ZNF429: variants seen among roughly 807,000 people sequenced by gnomAD.
The protein encoded by ZNF429 is zinc finger protein 429.
In ZNF429, 53 loss-of-function variants were observed where a neutral mutation model predicts 56.8. That is an observed-to-expected ratio of 0.93 (90% confidence interval 0.75 to 1.17). ZNF429 has a LOEUF of 1.17. Among genes scored for constraint, ZNF429 ranks in the 50% most tolerant of loss-of-function variants. The probability of loss-of-function intolerance (pLI) is 0.00; values close to 1 mark genes in which losing one functional copy is unlikely to be tolerated. For synonymous variants in ZNF429, 278 were observed against 264.7 expected, an observed-to-expected ratio of 1.05 and a Z score of -0.49; for missense variants, 849 against 788.4, an observed-to-expected ratio of 1.08 and a Z score of -0.92.
Position 21,537,932 on chromosome 19 carries a change from G to T in ZNF429, c.1879G>T (p.Ala627Ser). ...GAAACCTTACAAATGTGAAGAATGT[G>T]CCAAAGCTTTTACCCGGTCTTCAAG... is the stretch of plus-strand genomic sequence containing the variant. ...REKPYKCEEC[A>S]KAFTRSSRLT... is the part of the protein sequence containing the mutation. Residue 627 changes from alanine (A) to serine (S), a missense_variant, in exon 4 of 4, where the codon GCC becomes TCC. Physicochemically the swap from Ala to Ser is moderately conservative, Grantham distance 99. Coordinates refer to ENST00000358491, the MANE Select transcript of ZNF429 (RefSeq NM_001001415.4). 6.2e-7 allele frequency: 1 copy of T among 1,613,958 alleles called. No homozygotes were observed. Among genetic ancestry groups the T allele is most frequent in the South Asian group, 1.1e-5 (1 of 91,072 alleles).
At chr19:21,509,674 A>C (rs2032357803) in intron 1 of ZNF429, among the ~76,000 whole-genome samples, 1 of 152,200 alleles carries the variant, frequency 6.6e-6, no homozygotes, top group South Asian at 2.1e-4. Context: ...CTGGGAACCC[A>C]CAGGCAGATA....
chr19:21,529,090 A>G (rs557288298), intron 1 of ZNF429: 1 of 152,350 alleles, frequency 6.6e-6, no homozygotes, highest in Non-Finnish European at 1.5e-5. Context: ...ACAGGACAAA[A>G]AAACTGGGAA....
At chr19:21,513,465 G>C (rs192733957) in intron 1 of ZNF429, among the ~76,000 whole-genome samples, 1 of 152,120 alleles carries the variant, frequency 6.6e-6, no homozygotes, top group Admixed American at 6.5e-5. Context: ...CAGAAGCATA[G>C]ATGGGCCCAT....
chr19:21,535,407 TTTTC>T, intron 3 of ZNF429, among the ~76,000 whole-genome samples: 1 of 11,472 alleles, frequency 8.7e-5, no homozygotes, highest in African/African-American at 7.1e-4. Flanking sequence ...CTTTCTTTCT[TTTTC>T]TTTTCTTTCT....
At chr19:21,522,832 G>T (rs2033030854) in intron 1 of ZNF429, among the ~76,000 whole-genome samples, 1 of 151,812 alleles carries the variant, frequency 6.6e-6, no homozygotes, top group Middle Eastern at 3.2e-3. Context: ...GGAGGCAGAG[G>T]TTGCATTGAG....
chr19:21,529,665 T>C lies in ZNF429; in HGVS notation c.11T>C (p.Leu4Ser), dbSNP rs769849942. 5 of 1,579,946 alleles carry C rather than the reference T, an allele frequency of 3.2e-6. No individual in the cohort carries two copies. The East Asian group carries it at 1.1e-4, about 36-fold the overall frequency. ...GGTGTGTGTGTGTTTCAGGGACCAT[T>C]GACATTTACAGATGTGGCCATAGAA... is the stretch of plus-strand genomic sequence containing the variant. MGP[L>S]TFTDVAIEFS... is the part of the protein sequence containing the mutation. The change falls in exon 2 of 4, where the codon TTG becomes TCG. Residue 4 changes from leucine to serine, a missense_variant. Coordinates refer to ENST00000358491, the MANE Select transcript of ZNF429 (RefSeq NM_001001415.4).
At position 21,538,107 on chromosome 19, in the gene ZNF429, TACAA is replaced by T. The variant is rs2033791442; in HGVS notation, c.*31_*34del. The T allele has an allele frequency of 5.0e-6, 2 of 397,124 alleles. No individual in the cohort carries two copies. The highest frequency in any genetic ancestry group is 3.4e-6 in the Non-Finnish European group (1 of 295,714). 24.6% of individuals were successfully genotyped at this position (397,124 alleles called of 1,614,324 possible). A position where few individuals can be genotyped will look rare whatever the true frequency, so the allele number is the denominator to read the frequency against. On this transcript the variant is annotated 3_prime_UTR_variant, in exon 4 of 4. Transcript: ENST00000358491. ...GGTGAAACCCCGTCTCTACTAAAAA[TACAA>T]AAAAAAAAAAAAAAAAAATTAGCCA...
At chr19:21,522,332 CACTTGTGG>C (rs1568420016) in intron 1 of ZNF429, among the ~76,000 whole-genome samples, 1 of 152,146 alleles carries the variant, frequency 6.6e-6, no homozygotes, top group Non-Finnish European at 1.5e-5. Context: ...TAAGTTCTTC[CACTTGTGG>C]ACTAATTATA....
chr19:21,506,044 C>G (rs1348616353), intron 1 of ZNF429: 5 of 301,720 alleles, frequency 1.7e-5, no homozygotes, highest in African/African-American at 1.1e-4. Flanking sequence ...TCCGCAGTCT[C>G]TCCCAGATTG....
chr19:21,509,577 G>C (rs1291208390), intron 1 of ZNF429, among the ~76,000 whole-genome samples: 1 of 152,114 alleles, frequency 6.6e-6, no homozygotes, highest in Non-Finnish European at 1.5e-5. Context: ...TTCTTTCTGG[G>C]GAGCCTCCCC....
intron 1 of ZNF429, among the ~76,000 whole-genome samples, chr19:21,510,870 T>A (rs35366148): frequency 6.6e-6 from 1 of 152,036 alleles, no homozygotes; most frequent in Non-Finnish European, 1.5e-5. Context: ...GGACACAGCA[T>A]ATGTTTCAGA....
chr19:21,515,297 G>GT, intron 1 of ZNF429, among the ~76,000 whole-genome samples: 1 of 150,090 alleles, frequency 6.7e-6, no homozygotes, highest in African/African-American at 2.5e-5. Flanking sequence ...GTGTGAGATG[G>GT]TATCTCATTG....
chr19:21,532,387 A>T, intron 3 of ZNF429, among the ~76,000 whole-genome samples: 1 of 152,242 alleles, frequency 6.6e-6, no homozygotes, highest in African/African-American at 2.4e-5. Context: ...CACTATAGTA[A>T]TACAAACATA....
Position 21,536,516 on chromosome 19 carries a change from T to C in ZNF429, c.463T>C (p.Tyr155His). Reference sequence around the variant, plus strand: ...CTGTGATATATATGTAAAAGTCTTTTATGCATTTTCAAATGCAGATAGATA... The same window carrying C: ...CTGTGATATATATGTAAAAGTCTTTCATGCATTTTCAAATGCAGATAGATA... ...YHCDIYVKVF[Y>H]AFSNADRYKT... The change falls in exon 4 of 4, where the codon TAT (tyrosine) becomes CAT (histidine). Residue 155 changes from tyrosine (Y) to histidine (H), a missense_variant. Tyr to His is a moderately conservative substitution (Grantham distance 83). Coordinates refer to ENST00000358491, the MANE Select transcript of ZNF429 (RefSeq NM_001001415.4). 6.2e-7 allele frequency: 1 copy of C among 1,612,706 alleles called. No homozygotes were observed. The highest frequency in any genetic ancestry group is 8.5e-7 in the Non-Finnish European group (1 of 1,179,486).
intron 3 of ZNF429, among the ~76,000 whole-genome samples, chr19:21,531,186 A>T: frequency 6.6e-6 from 1 of 151,978 alleles, no homozygotes; most frequent in Admixed American, 6.6e-5. Context: ...AGTCCTGAAG[A>T]ATATTCATTC....
intron 1 of ZNF429, among the ~76,000 whole-genome samples, chr19:21,517,609 C>T (rs528254225): frequency 6.6e-6 from 1 of 151,970 alleles, no homozygotes; most frequent in African/African-American, 2.4e-5. Flanking sequence ...AATTTTAGAG[C>T]TTGTTATTGT....
intron 1 of ZNF429, among the ~76,000 whole-genome samples, chr19:21,511,633 T>C (rs2032479497): frequency 6.7e-6 from 1 of 148,862 alleles, no homozygotes; most frequent in Middle Eastern, 3.5e-3. Context: ...TCCCAGATGA[T>C]GGGCGGCCAG....
At chr19:21,510,887 A>G (rs1026834517) in intron 1 of ZNF429, among the ~76,000 whole-genome samples, 4 of 152,262 alleles carry the variant, frequency 2.6e-5, no homozygotes, top group East Asian at 1.9e-4. Flanking sequence ...CAGAGAGCAC[A>G]GGGTTGGGGG....
intron 1 of ZNF429, among the ~76,000 whole-genome samples, chr19:21,507,952 GAA>G (rs2032260011): frequency 6.6e-6 from 1 of 152,058 alleles, no homozygotes; most frequent in Non-Finnish European, 1.5e-5. Context: ...TACAATTTGT[GAA>G]AAAAGACTAG....
Sources: allele counts gnomAD v4.1 joint callset (sites outside exome capture counted in the v4.1 genomes callset), GRCh38; gene constraint gnomAD v4.1.1; transcripts MANE v1.5; gene names NCBI Gene and HGNC (gene_info 2026-07-23, HGNC 2026-07-21).